Variants in MDM2 observed in about 807,000 individuals in gnomAD.
The protein encoded by MDM2 is MDM2 proto-oncogene.
Under a neutral mutation model 64.3 loss-of-function variants are expected in MDM2, and 11 were observed. That is an observed-to-expected ratio of 0.17 (90% confidence interval 0.11 to 0.28). MDM2 has a LOEUF of 0.28. Among genes scored for constraint, MDM2 ranks in the 10% least tolerant of loss-of-function variants. MDM2 has a pLI of 1.00. For synonymous variants in MDM2, 194 were observed against 192.9 expected, an observed-to-expected ratio of 1.01 and a Z score of -0.05; for missense variants, 388 against 577.1, an observed-to-expected ratio of 0.67 and a Z score of 3.36.
At chr12:68,810,049 C>T (rs942130238) in intron 2 of MDM2, among the ~76,000 whole-genome samples, 2 of 152,104 alleles carry the variant, frequency 1.3e-5, no homozygotes, top group African/African-American at 4.8e-5. Context: ...CGGTGGCTCA[C>T]CCCTGTAATC....
intron 3 of MDM2, chr12:68,815,537 GCTCAGGTGATC>G: frequency 4.6e-6 from 1 of 218,586 alleles, no homozygotes; most frequent in Non-Finnish European, 9.9e-6. Context: ...GACCTCGTGG[GCTCAGGTGATC>G]CTCCCACCTC....
chr12:68,822,762 A>C (rs905429578), intron 5 of MDM2, among the ~76,000 whole-genome samples: 1 of 130,214 alleles, frequency 7.7e-6, no homozygotes, highest in African/African-American at 4.5e-5. Flanking sequence ...TTTTTTTGAG[A>C]TGGAGTCTCA....
chr12:68,833,330 TAA>T (rs1322453881), intron 8 of MDM2, among the ~76,000 whole-genome samples: 25 of 73,464 alleles, frequency 3.4e-4, no homozygotes, highest in Non-Finnish European at 6.1e-4. Flanking sequence ...TATATAAATA[TAA>T]AAATATATAT....
chr12:68,830,958 C>T (rs1565742453), intron 8 of MDM2, among the ~76,000 whole-genome samples: 5 of 152,154 alleles, frequency 3.3e-5, no homozygotes, highest in African/African-American at 1.2e-4. Context: ...GCCTTGGCCT[C>T]CCAAAGTGTT....
intron 10 of MDM2, 74 bp from the exon 11 acceptor site, chr12:68,839,200 A>G (rs2136176686): frequency 7.1e-7 from 1 of 1,410,636 alleles, no homozygotes; most frequent in Admixed American, 2.1e-5. Context: ...TAGACATAGC[A>G]AAGTTGCTAG....
intron 7 of MDM2, among the ~76,000 whole-genome samples, chr12:68,825,477 C>A (rs915044188): frequency 6.6e-6 from 1 of 152,110 alleles, no homozygotes; most frequent in African/African-American, 2.4e-5. Flanking sequence ...CATGGTGAAA[C>A]CCCATCTCTA....
Position 68,842,720 on chromosome 12 carries a change from T to TA in MDM2, c.*2875dup. The TA allele has an allele frequency of 5.1e-6, 1 of 196,488 alleles. No homozygotes were observed. The highest frequency in any genetic ancestry group is 1.1e-5 in the Non-Finnish European group (1 of 93,604). 12.2% of individuals were successfully genotyped at this position (196,488 alleles called of 1,614,324 possible). A position where few individuals can be genotyped will look rare whatever the true frequency, so the allele number is the denominator to read the frequency against. On this transcript the variant is annotated 3_prime_UTR_variant, in exon 11 of 11. Transcript: ENST00000258149. ...ATATAAAGTAAAATTTTCTTTGCAGTAAAATATGCCCTTTATTATAGAAGG... is the reference window on the plus strand; with the variant it reads ...ATATAAAGTAAAATTTTCTTTGCAGTAAAAATATGCCCTTTATTATAGAAGG...
At position 68,839,713 on chromosome 12, in the gene MDM2, A is replaced by G; in HGVS notation, c.1358A>G (p.Asn453Ser). 1 of 1,614,004 alleles carries G rather than the reference A, an allele frequency of 6.2e-7. No homozygotes were observed. Among genetic ancestry groups the G allele is most frequent in the Non-Finnish European group, 8.5e-7 (1 of 1,180,006 alleles). The change falls in exon 11 of 11, where the codon AAT becomes AGT. Residue 453 changes from asparagine to serine, a missense_variant. Physicochemically the swap from Asn to Ser is conservative, Grantham distance 46. This residue lies in a region of MDM2 where 12 missense variants were observed against 63.8 expected (regional missense o/e 0.19). Coordinates refer to ENST00000258149, the MANE Select transcript of MDM2 (RefSeq NM_002392.6). Reference protein sequence around the residue: ...PCVICQGRPKNGCIVHGKTGH... With the variant: ...PCVICQGRPKSGCIVHGKTGH... ...GTGATTTGTCAAGGTCGACCTAAAA[A>G]TGGTTGCATTGTCCATGGCAAAACA...
At chr12:68,831,338 G>C (rs3730620) in intron 8 of MDM2, among the ~76,000 whole-genome samples, 1 of 152,064 alleles carries the variant, frequency 6.6e-6, no homozygotes, top group African/African-American at 2.4e-5. Flanking sequence ...ACGGCTGGAG[G>C]GGGTGGTGTC....
At chr12:68,819,790 C>T (rs571026325) in intron 4 of MDM2, among the ~76,000 whole-genome samples, 2 of 152,286 alleles carry the variant, frequency 1.3e-5, no homozygotes, top group Admixed American at 6.5e-5. Flanking sequence ...CCACTGCGCC[C>T]GGCCTCTGTT....
rs1228038721 is a variant in MDM2, at chr12:68,845,026, C to T, written c.*5177C>T. On this transcript the variant is annotated 3_prime_UTR_variant, in exon 11 of 11. Coordinates refer to ENST00000258149, the MANE Select transcript of MDM2 (RefSeq NM_002392.6). ...CAAGTGATCTGCCCGCCTTGGCCCC[C>T]CAAAGTGCTGTGATTACAGGCGTGA... The T allele has an allele frequency of 5.0e-6, 1 of 200,354 alleles. No homozygotes were observed. Among genetic ancestry groups the T allele is most frequent in the Non-Finnish European group, 1.0e-5 (1 of 97,318 alleles). The allele number at this position is 200,354 out of a possible 1,614,324, so 12.4% of individuals were successfully genotyped here.
Position 68,839,683 on chromosome 12 carries a change from CT to C in MDM2, c.1330del (p.Cys444ValfsTer2), listed in dbSNP as rs770052866. ...AGTTTGCCCCTTAATGCCATTGAACCTTGTGTGATTTGTCAAGGTCGACCTA... is the reference window on the plus strand; with the variant it reads ...AGTTTGCCCCTTAATGCCATTGAACCTGTGTGATTTGTCAAGGTCGACCTA... ...ESSLPLNAIE[P>X]CVICQGRPKN... is the part of the protein sequence containing the mutation. On this transcript the variant is annotated frameshift_variant, in exon 11 of 11. Coordinates refer to ENST00000258149, the MANE Select transcript of MDM2 (RefSeq NM_002392.6). LOFTEE classifies it high-confidence loss of function. The C allele has an allele frequency of 6.2e-7, 1 of 1,613,562 alleles. No individual in the cohort carries two copies. Among genetic ancestry groups the C allele is most frequent in the Admixed American group, 1.7e-5 (1 of 59,896 alleles).
chr12:68,829,013 A>G, intron 8 of MDM2, 82 bp downstream of exon 8: 1 of 1,344,974 alleles, frequency 7.4e-7, no homozygotes, highest in Non-Finnish European at 1.0e-6. Flanking sequence ...TACGGATAGA[A>G]TGTACATGTG....
chr12:68,825,602 G>A (rs1022243247), intron 7 of MDM2, among the ~76,000 whole-genome samples: 6 of 152,224 alleles, frequency 3.9e-5, no homozygotes, highest in African/African-American at 1.2e-4. Flanking sequence ...ACAGTGAGCC[G>A]AGATCACGCC....
At position 68,841,854 on chromosome 12, in the gene MDM2, A is replaced by G. The variant is rs866054662; in HGVS notation, c.*2005A>G. 1 of 213,932 alleles carries G rather than the reference A, an allele frequency of 4.7e-6. No individual in the cohort carries two copies. Among genetic ancestry groups the G allele is most frequent in the Middle Eastern group, 6.5e-4 (1 of 1,540 alleles). The allele number at this position is 213,932 out of a possible 1,614,324, so 13.3% of individuals were successfully genotyped here. ...AAGAATGACAGGGTCAGCATGTGGA[A>G]TTCCAAGATACCTCTTGACTTCCTC... On this transcript the variant is annotated 3_prime_UTR_variant, in exon 11 of 11. Transcript: ENST00000258149.
intron 1 of MDM2, chr12:68,808,880 G>T (rs1363803567): frequency 5.1e-6 from 7 of 1,359,902 alleles, no homozygotes; most frequent in Non-Finnish European, 6.6e-6. Flanking sequence ...GCGGGATTGG[G>T]CCGGTTCAGT....
rs779345987 is a variant in MDM2 at position 68,835,951 on chromosome 12, A to G, written c.807A>G (p.Glu269=). ...SLDSEDYSLS[E]EGQELSDEDD... is the part of the protein sequence containing the mutation. ...ACTCAGAAGATTATAGCCTTAGTGA[A>G]GAAGGACAAGAACTCTCAGATGAAG... The change falls in exon 9 of 11, where the codon GAA becomes GAG. Residue 269 remains glutamate, a synonymous_variant. Coordinates refer to ENST00000258149, the MANE Select transcript of MDM2 (RefSeq NM_002392.6). 1 of 1,611,226 alleles carries G rather than the reference A, an allele frequency of 6.2e-7. No individual in the cohort carries two copies. The highest frequency in any genetic ancestry group is 1.7e-5 in the Admixed American group (1 of 59,924).
intron 3 of MDM2, among the ~76,000 whole-genome samples, chr12:68,816,093 A>T (rs1032632418): frequency 6.6e-6 from 1 of 152,082 alleles, no homozygotes; most frequent in Non-Finnish European, 1.5e-5. Context: ...GTGACCTCAG[A>T]GGCTATTGAG....
chr12:68,846,713 G>T (rs189288622), downstream of MDM2: 1 of 152,290 alleles, frequency 6.6e-6, no homozygotes, highest in Admixed American at 6.5e-5. Context: ...AGAACACTAT[G>T]AAATGGGTGC....
Sources: gnomAD v4.1 joint callset for allele counts (sites outside exome capture counted in the v4.1 genomes callset) on GRCh38, gnomAD v4.1.1 for gene constraint, gnomAD v4.1.1 regional missense constraint, MANE v1.5 for transcripts, NCBI Gene and HGNC (gene_info 2026-07-23, HGNC 2026-07-21) for gene names.